CDIN1: variants seen among roughly 807,000 people sequenced by gnomAD.
The protein encoded by CDIN1 is CDAN1-interacting nuclease 1.
Under a neutral mutation model 45.3 loss-of-function variants are expected in CDIN1, and 33 were observed. The observed-to-expected ratio is 0.73, with a 90% CI of 0.55 to 0.97. CDIN1 has a LOEUF of 0.97. Among genes scored for constraint, CDIN1 ranks in the 50% least tolerant of loss-of-function variants. CDIN1 has a pLI of 0.00. For missense variants in CDIN1, 303 were observed against 339.4 expected, an observed-to-expected ratio of 0.89 and a Z score of 0.84; for synonymous variants, 118 against 124.4, an observed-to-expected ratio of 0.95 and a Z score of 0.34.
At chr15:36,595,244 A>G (rs974725700) in intron 1 of CDIN1, among the ~76,000 whole-genome samples, 5 of 150,358 alleles carry the variant, frequency 3.3e-5, no homozygotes, top group African/African-American at 9.7e-5. Context: ...CAGAATGGCT[A>G]TTGCCTTGGA....
intron 5 of CDIN1, among the ~76,000 whole-genome samples, chr15:36,681,102 T>C (rs2041835600): frequency 6.6e-6 from 1 of 151,958 alleles, no homozygotes; most frequent in Non-Finnish European, 1.5e-5. Context: ...CTATAAACTA[T>C]AAGACAAAGT....
intron 1 of CDIN1, among the ~76,000 whole-genome samples, chr15:36,619,805 A>C (rs2039081809): frequency 6.6e-6 from 1 of 152,158 alleles, no homozygotes; most frequent in Non-Finnish European, 1.5e-5. Context: ...AAAGCGGATT[A>C]GTGGCTGGGG....
chr15:36,588,540 T>C (rs1566813829), intron 1 of CDIN1, among the ~76,000 whole-genome samples: 1 of 152,188 alleles, frequency 6.6e-6, no homozygotes, highest in African/African-American at 2.4e-5. Context: ...ATTTACATGA[T>C]CTTTAAAATT....
At chr15:36,801,634 A>T (rs1379753261) in intron 10 of CDIN1, among the ~76,000 whole-genome samples, 1 of 151,968 alleles carries the variant, frequency 6.6e-6, no homozygotes, top group Non-Finnish European at 1.5e-5. Flanking sequence ...AGTGTTCTGG[A>T]TTTACTCCTC....
chr15:36,712,714 A>G (rs1595506683), intron 10 of CDIN1, among the ~76,000 whole-genome samples: 1 of 152,276 alleles, frequency 6.6e-6, no homozygotes, highest in Non-Finnish European at 1.5e-5. Flanking sequence ...AAATTTTACA[A>G]TGTAGTCATC....
At chr15:36,694,803 G>A (rs1025243191) in intron 7 of CDIN1, among the ~76,000 whole-genome samples, 2 of 152,170 alleles carry the variant, frequency 1.3e-5, no homozygotes, top group Admixed American at 1.3e-4. Flanking sequence ...TGTACCATCA[G>A]AGACCTCAGT....
intron 1 of CDIN1, 86 bp from the exon 2 acceptor site, chr15:36,644,192 C>T (rs1303988794): frequency 2.4e-6 from 3 of 1,269,102 alleles, no homozygotes; most frequent in African/African-American, 3.0e-5. Flanking sequence ...TACAGGGCAG[C>T]AGGCCTACCT....
intron 10 of CDIN1, among the ~76,000 whole-genome samples, chr15:36,761,716 C>A (rs1277490855): frequency 6.6e-6 from 1 of 152,180 alleles, no homozygotes; most frequent in Non-Finnish European, 1.5e-5. Flanking sequence ...AGCGAGGCAT[C>A]TTCTAATGCC....
chr15:36,765,828 T>C (rs1370905287), intron 10 of CDIN1, among the ~76,000 whole-genome samples: 1 of 152,204 alleles, frequency 6.6e-6, no homozygotes, highest in Non-Finnish European at 1.5e-5. Context: ...ATCATGGTGA[T>C]AGACATACAC....
At chr15:36,707,686 A>G (rs899838122) in intron 8 of CDIN1, 1 of 152,160 alleles carries the variant, frequency 6.6e-6, no homozygotes, top group Non-Finnish European at 1.5e-5. Flanking sequence ...TTAGTGAAAT[A>G]TTAATCTATC....
rs183994822 is a variant in CDIN1 at position 36,689,956 on chromosome 15, A to G, written c.347-1729A>G. ...CTTAAATAATATTTTCACTTTCTAC[A>G]GATAGCAATGGGCATTAAACTTGGG... On this transcript the variant is annotated intron_variant, in intron 5 of 10. Coordinates refer to ENST00000566621, the MANE Select transcript of CDIN1 (RefSeq NM_001321759.2). Among the ~76,000 whole-genome samples the G allele has an allele frequency of 2.0e-3, 307 of 152,338 alleles. 1 individual carries two copies. The highest frequency in any genetic ancestry group is 7.0e-3 in the African/African-American group (293 of 41,566).
intron 1 of CDIN1, among the ~76,000 whole-genome samples, chr15:36,639,417 C>G (rs2040020331): frequency 6.6e-6 from 1 of 152,276 alleles, no homozygotes. Context: ...CCAGCCTGGC[C>G]AACATGGTGA....
intron 8 of CDIN1, chr15:36,702,250 G>C: frequency 1.5e-6 from 1 of 648,038 alleles, no homozygotes; most frequent in South Asian, 1.8e-5. Flanking sequence ...ATTGAGGGTG[G>C]GAGGTGGGGG....
At chr15:36,806,340 G>C (rs1218775134) in intron 10 of CDIN1, among the ~76,000 whole-genome samples, 1 of 152,158 alleles carries the variant, frequency 6.6e-6, no homozygotes, top group Non-Finnish European at 1.5e-5. Context: ...GCTGTTCAAA[G>C]AAAGTGCAGG....
chr15:36,640,309 C>T (rs2040056982), intron 1 of CDIN1, among the ~76,000 whole-genome samples: 1 of 152,020 alleles, frequency 6.6e-6, no homozygotes. Flanking sequence ...TACGCCTTGA[C>T]CAGCACTCTG....
At chr15:36,684,785 A>G (rs1305988034) in intron 5 of CDIN1, among the ~76,000 whole-genome samples, 23 of 151,654 alleles carry the variant, frequency 1.5e-4, no homozygotes, top group African/African-American at 4.6e-4. Flanking sequence ...CAGAGATTCA[A>G]CTTCTTCCTG....
chr15:36,717,890 G>A (rs1353728293), intron 10 of CDIN1, among the ~76,000 whole-genome samples: 1 of 152,000 alleles, frequency 6.6e-6, no homozygotes, highest in African/African-American at 2.4e-5. Flanking sequence ...GTGTAAAAAT[G>A]TGTTAATGTG....
At chr15:36,651,851 G>C (rs879271992) in intron 3 of CDIN1, among the ~76,000 whole-genome samples, 2 of 152,108 alleles carry the variant, frequency 1.3e-5, no homozygotes, top group Non-Finnish European at 2.9e-5. Flanking sequence ...ATATTATCCA[G>C]ACTATATAGA....
At chr15:36,711,625 A>G (rs1033760841) in intron 10 of CDIN1, among the ~76,000 whole-genome samples, 8 of 152,154 alleles carry the variant, frequency 5.3e-5, no homozygotes, top group African/African-American at 1.7e-4. Context: ...TTAGACTACT[A>G]TTGATTTACA....
Sources: allele counts gnomAD v4.1 joint callset (sites outside exome capture counted in the v4.1 genomes callset), GRCh38; gene constraint gnomAD v4.1.1; transcripts MANE v1.5; gene names NCBI Gene and HGNC (gene_info 2026-07-23, HGNC 2026-07-21).